The following ZNF221 variants were observed in gnomAD, a reference collection of about 807,000 sequenced individuals.
The protein encoded by ZNF221 is zinc finger protein 221.
ZNF221 carries 10 observed loss-of-function variants against 12.6 expected under a neutral mutation model. That is an observed-to-expected ratio of 0.79 (90% CI 0.49 to 1.34). ZNF221 has a LOEUF of 1.34. Ranked by LOEUF, ZNF221 falls within the 40% of genes most tolerant of loss-of-function variation. The probability of loss-of-function intolerance (pLI) is 0.00; values close to 1 mark genes in which losing one functional copy is unlikely to be tolerated. For synonymous variants in ZNF221, 232 were observed against 244.0 expected, an observed-to-expected ratio of 0.95 and a Z score of 0.46; for missense variants, 661 against 721.4, an observed-to-expected ratio of 0.92 and a Z score of 0.96.
At chr19:43,980,818 T>C in the ZNF221 span, among the ~76,000 whole-genome samples, 84 of 152,334 alleles carry the variant, frequency 5.5e-4, no homozygotes, top group South Asian at 0.017. Context: ...TTTGCCTATT[T>C]TGTGTGACCT....
downstream of ZNF221, among the ~76,000 whole-genome samples, chr19:43,968,445 A>G (rs1299112271): frequency 1.3e-5 from 2 of 152,198 alleles, no homozygotes; most frequent in Admixed American, 6.5e-5. Flanking sequence ...GGCACTTTGT[A>G]TGTGTGTTTG....
rs749427128 is a variant in ZNF221, at chr19:43,966,845, A to T, written c.1343A>T (p.Lys448Met). Residue 448 changes from lysine to methionine, a missense_variant, in exon 5 of 5, where the codon AAG (lysine) becomes ATG (methionine). By Grantham distance (95) the Lys-to-Met change is moderately conservative. Coordinates refer to ENST00000587682, the MANE Select transcript of ZNF221 (RefSeq NM_001297588.2). The part of the protein sequence containing the change: ...SSHQRSHNGE[K>M]PYNCEECGKD... ...CATCAGAGATCCCACAATGGAGAAAAGCCATATAACTGTGAGGAGTGTGGT... is the reference window on the plus strand; with the variant it reads ...CATCAGAGATCCCACAATGGAGAAATGCCATATAACTGTGAGGAGTGTGGT... The T allele has an allele frequency of 9.3e-6, 15 of 1,614,112 alleles. No homozygotes were observed. The highest frequency in any genetic ancestry group is 1.1e-5 in the Non-Finnish European group (13 of 1,180,042).
At chr19:43,981,546 G>C in the ZNF221 span, among the ~76,000 whole-genome samples, 5 of 152,086 alleles carry the variant, frequency 3.3e-5, no homozygotes, top group Admixed American at 2.6e-4. Context: ...ATAAATTGCA[G>C]CACTGTTATA....
chr19:43,963,156 T>C (rs552742724), intron 2 of ZNF221, among the ~76,000 whole-genome samples: 3 of 152,212 alleles, frequency 2.0e-5, no homozygotes, highest in South Asian at 2.1e-4. Context: ...TGTGCTCGTT[T>C]TATATAATAT....
Position 43,965,797 on chromosome 19 carries a change from T to A in ZNF221, c.302-7T>A. Reference sequence around the variant, plus strand: ...TGCCCACATATATTAATTCTGTGTCTTTTTAGGAGGCAAGATCCAAATTGA... The same window carrying A: ...TGCCCACATATATTAATTCTGTGTCATTTTAGGAGGCAAGATCCAAATTGA... On this transcript the variant is annotated splice_polypyrimidine_tract_variant and splice_region_variant and intron_variant, in intron 4 of 4. Coordinates refer to ENST00000587682, the MANE Select transcript of ZNF221 (RefSeq NM_001297588.2). 2 of 1,574,488 alleles carry A rather than the reference T, an allele frequency of 1.3e-6. No homozygotes were observed. Among genetic ancestry groups the A allele is most frequent in the South Asian group, 2.3e-5 (2 of 85,350 alleles).
Position 43,966,037 on chromosome 19 carries a change from T to A in ZNF221, c.535T>A (p.Phe179Ile), listed in dbSNP as rs454301. The change falls in exon 5 of 5, where the codon TTC becomes ATC. Residue 179 changes from phenylalanine (F) to isoleucine (I), a missense_variant. Phe to Ile is a conservative substitution (Grantham distance 21). Transcript: ENST00000587682. The stretch of plus-strand genomic sequence containing the variant: ...CCGTTGTAATGAATGTAAACAGTCC[T>A]TCAGTGATGTTTCTGTCTTTGATCT... ...PYRCNECKQS[F>I]SDVSVFDLHQ... 0.99 allele frequency: 1,598,116 copies of A among 1,614,208 alleles called. 792,275 individuals are homozygous for A. The highest frequency in any genetic ancestry group is 1 in the East Asian group (44,888 of 44,888).
chr19:43,969,758 T>A (rs1975057336), downstream of ZNF221, among the ~76,000 whole-genome samples: 1 of 152,184 alleles, frequency 6.6e-6, no homozygotes, highest in Non-Finnish European at 1.5e-5. Flanking sequence ...AGAAATCTAA[T>A]CTCTACCTCA....
chr19:43,951,978 A>G (rs1974680051), intron 1 of ZNF221, among the ~76,000 whole-genome samples: 2 of 143,190 alleles, frequency 1.4e-5, no homozygotes, highest in Non-Finnish European at 3.0e-5. Context: ...GGTTCACGCC[A>G]TTCTCCTGCC....
At position 43,966,293 on chromosome 19, in the gene ZNF221, ATAG is replaced by A. The variant is rs1292555637; in HGVS notation, c.795_797del (p.Ser265del). On this transcript the variant is annotated inframe_deletion, in exon 5 of 5. Coordinates refer to ENST00000587682, the MANE Select transcript of ZNF221 (RefSeq NM_001297588.2). ...TGTGGGCAATGTGGGAAAGGCTTCC[ATAG>A]TAGATCAGCACTTAATGTTCATTGC... The A allele has an allele frequency of 8.1e-6, 13 of 1,613,214 alleles. No homozygotes were observed. Among genetic ancestry groups the A allele is most frequent in the African/African-American group, 1.3e-5 (1 of 74,928 alleles).
chr19:43,975,584 C>T, the ZNF221 span, among the ~76,000 whole-genome samples: 172 of 152,236 alleles, frequency 1.1e-3, no homozygotes, highest in Non-Finnish European at 1.8e-3. Flanking sequence ...CTAATGGATG[C>T]TGTGCTTAAT....
the ZNF221 span, among the ~76,000 whole-genome samples, chr19:43,974,190 G>T: frequency 6.6e-6 from 1 of 151,646 alleles, no homozygotes; most frequent in African/African-American, 2.4e-5. Context: ...GGGAGAACTG[G>T]CTAGCCATGC....
chr19:43,962,635 T>A, intron 1 of ZNF221, 90 bp from the exon 2 acceptor site: 1 of 1,249,144 alleles, frequency 8.0e-7, no homozygotes, highest in South Asian at 1.2e-5. Flanking sequence ...AACATTCATG[T>A]GCTAATTGAA....
rs1352760334 is a variant in ZNF221 at position 43,967,523 on chromosome 19, G to A, written c.*167G>A. On this transcript the variant is annotated 3_prime_UTR_variant, in exon 5 of 5. Coordinates refer to ENST00000587682, the MANE Select transcript of ZNF221 (RefSeq NM_001297588.2). ...AGACAGAGTCTCACTCTTTCACCCA[G>A]GCCTGACTGCAGTGGCGCTATCTCA... 2 of 598,462 alleles carry A rather than the reference G, an allele frequency of 3.3e-6. No homozygotes were observed. Among genetic ancestry groups the A allele is most frequent in the Non-Finnish European group, 5.7e-6 (2 of 349,060 alleles). 37.1% of individuals were successfully genotyped at this position (598,462 alleles called of 1,614,324 possible).
chr19:43,978,180 G>C, the ZNF221 span, among the ~76,000 whole-genome samples: 60 of 152,230 alleles, frequency 3.9e-4, no homozygotes, highest in African/African-American at 1.4e-3. Flanking sequence ...ACTCTAAGAA[G>C]AAGAGCAAGT....
In ZNF221 at chr19:43,965,254, A is replaced by G; in HGVS notation, c.230A>G (p.Asp77Gly). The stretch of plus-strand genomic sequence containing the variant: ...ACAGGGAATCAACCATTCCACCAAG[A>G]TACTTTCCACTTCTTAGGGAAGGAA... ...LSVGNQPFHQ[D>G]TFHFLGKEKF... The change falls in exon 4 of 5, where the codon GAT (aspartate) becomes GGT (glycine). Residue 77 changes from aspartate to glycine, a missense_variant. By Grantham distance (94) the Asp-to-Gly change is moderately conservative. Coordinates refer to ENST00000587682, the MANE Select transcript of ZNF221 (RefSeq NM_001297588.2). 1.2e-6 allele frequency: 2 copies of G among 1,613,060 alleles called. No individual in the cohort carries two copies. Among genetic ancestry groups the G allele is most frequent in the Non-Finnish European group, 1.7e-6 (2 of 1,179,494 alleles).
intron 1 of ZNF221, among the ~76,000 whole-genome samples, chr19:43,960,015 T>G (rs1378457306): frequency 6.6e-6 from 1 of 152,038 alleles, no homozygotes; most frequent in Non-Finnish European, 1.5e-5. Flanking sequence ...CCATGGGAAC[T>G]TCTTACAGAC....
the ZNF221 span, among the ~76,000 whole-genome samples, chr19:43,977,989 C>A: frequency 4.6e-5 from 7 of 152,210 alleles, no homozygotes; most frequent in South Asian, 1.2e-3. Flanking sequence ...CTAGAGGAAA[C>A]CAGAAGCAAG....
At chr19:43,951,848 T>G (rs1219874155) in intron 1 of ZNF221, among the ~76,000 whole-genome samples, 1 of 115,394 alleles carries the variant, frequency 8.7e-6, no homozygotes, top group Non-Finnish European at 1.8e-5. Flanking sequence ...GTCTTTGACC[T>G]CTTTTTTTTT....
the ZNF221 span, among the ~76,000 whole-genome samples, chr19:43,979,064 C>A: frequency 1.3e-5 from 2 of 150,128 alleles, no homozygotes; most frequent in Non-Finnish European, 3.0e-5. Flanking sequence ...ACATTGGAAA[C>A]AATTACTTTG....
Sources: allele counts gnomAD v4.1 joint callset (sites outside exome capture counted in the v4.1 genomes callset), GRCh38; gene constraint gnomAD v4.1.1; transcripts MANE v1.5; gene names NCBI Gene and HGNC (gene_info 2026-07-23, HGNC 2026-07-21).